UBAP2L: variants seen among roughly 807,000 people sequenced by gnomAD.
UBAP2L encodes ubiquitin associated protein 2 like.
Under a neutral mutation model 130.6 loss-of-function variants are expected in UBAP2L, and 12 were observed. The ratio of observed to expected loss-of-function variants is 0.09; its 90% CI spans 0.06 to 0.15. The LOEUF (loss-of-function observed/expected upper bound fraction) is 0.15, where lower values mean the gene tolerates loss of function less well. UBAP2L is among the 10% of genes least tolerant of loss of function. The pLI, the probability that UBAP2L is intolerant of heterozygous loss-of-function variation, is 1.00. For synonymous variants in UBAP2L, 503 were observed against 524.7 expected (o/e 0.96, Z 0.57); for missense variants, 965 against 1,332.5 (o/e 0.72, Z 4.29).
chr1:154,224,790 A>G (rs552529016), intron 1 of UBAP2L, among the ~76,000 whole-genome samples: 170 of 152,300 alleles, frequency 1.1e-3, no homozygotes, highest in African/African-American at 4.0e-3. Context: ...AAGGCTTTTG[A>G]TTATTAGTTA....
At chr1:154,267,237 ACT>A (rs1683533686) in intron 25 of UBAP2L, among the ~76,000 whole-genome samples, 1 of 146,992 alleles carries the variant, frequency 6.8e-6, no homozygotes, top group African/African-American at 2.5e-5. Flanking sequence ...CTCACTGCAA[ACT>A]CTGCCTCCTG....
chr1:154,228,292 A>G (rs766522615), intron 3 of UBAP2L, among the ~76,000 whole-genome samples: 10 of 151,874 alleles, frequency 6.6e-5, no homozygotes, highest in Non-Finnish European at 1.3e-4. Flanking sequence ...GGTTCAAGCA[A>G]TTCTTCTGCC....
rs114313994 is a variant in UBAP2L, at chr1:154,225,048, C to T, written c.-40-36C>T. ...GAGAGAGTTAAAAACATATTTTGCC[C>T]ACATTTAATACCTAATTTTCTTTTA... On this transcript the variant is annotated intron_variant, in intron 1 of 26. Transcript: ENST00000428931. 2.4e-5 allele frequency: 36 copies of T among 1,487,472 alleles called. 1 individual carries two copies. Among genetic ancestry groups the T allele is most frequent in the Non-Finnish European group, 3.3e-5 (36 of 1,079,490 alleles). The allele number at this position is 1,487,472 out of a possible 1,614,324, so 92.1% of individuals were successfully genotyped here.
chr1:154,223,401 A>G (rs1666944180), intron 1 of UBAP2L, among the ~76,000 whole-genome samples: 1 of 152,220 alleles, frequency 6.6e-6, no homozygotes, highest in African/African-American at 2.4e-5. Flanking sequence ...ACTATGCCAT[A>G]TTAGAAACTT....
chr1:154,271,168 G>A (rs1003614124), downstream of UBAP2L: 6 of 480,436 alleles, frequency 1.2e-5, no homozygotes, highest in African/African-American at 9.7e-5. Context: ...GAGGGATAGA[G>A]GAGATTGGGT....
At chr1:154,268,731 C>CT in intron 25 of UBAP2L, 26 bp from the exon 26 acceptor site, 2 of 1,612,570 alleles carry the variant, frequency 1.2e-6, no homozygotes, top group Non-Finnish European at 8.5e-7. Flanking sequence ...CCCTTTTACT[C>CT]TGTCTCCTCC....
chr1:154,255,610 A>G (rs781390213), intron 17 of UBAP2L, 73 bp from the exon 18 acceptor site: 52 of 1,518,804 alleles, frequency 3.4e-5, no homozygotes, highest in Non-Finnish European at 4.7e-5. Flanking sequence ...TTTCCTTGTT[A>G]TGTTCTTGAC....
intron 12 of UBAP2L, 147 bp downstream of exon 12, chr1:154,249,584 C>A: frequency 2.2e-6 from 2 of 899,724 alleles, no homozygotes; most frequent in Non-Finnish European, 3.3e-6. Flanking sequence ...TTCCCCTAAT[C>A]AAATAAGCTG....
intron 8 of UBAP2L, among the ~76,000 whole-genome samples, chr1:154,240,489 G>A (rs372697044): frequency 1.3e-5 from 2 of 152,250 alleles, no homozygotes; most frequent in East Asian, 3.9e-4. Flanking sequence ...CAGGTTTCAA[G>A]TTCTATATGA....
chr1:154,257,084 G>A lies in UBAP2L; in HGVS notation c.2179G>A (p.Ala727Thr). The A allele has an allele frequency of 6.2e-7, 1 of 1,613,806 alleles. No homozygotes were observed. Among genetic ancestry groups the A allele is most frequent in the Non-Finnish European group, 8.5e-7 (1 of 1,180,016 alleles). ...TLLHTSVESE[A>T]NLHSSSSTFS... ...GAAGCACACAAGTGTGGAGAGTGAG[G>A]CGAATCTCCATTCTTCCTCCAGCAC... The change falls in exon 19 of 27, where the codon GCG becomes ACG. Residue 727 changes from alanine (A) to threonine (T), a missense_variant. This residue lies in a region of UBAP2L where 393 missense variants were observed against 408.1 expected (regional missense o/e 0.96). Transcript: ENST00000428931.
chr1:154,227,906 T>C (rs1336334410), intron 3 of UBAP2L, among the ~76,000 whole-genome samples: 6 of 152,164 alleles, frequency 3.9e-5, no homozygotes, highest in Non-Finnish European at 2.9e-5. Flanking sequence ...TTTAACCTCT[T>C]GCCTGTTGCT....
chr1:154,256,690 C>G (rs1486067808), intron 18 of UBAP2L, among the ~76,000 whole-genome samples: 1 of 152,160 alleles, frequency 6.6e-6, no homozygotes, highest in African/African-American at 2.4e-5. Flanking sequence ...ACAAACTGGT[C>G]TCAACTAGTA....
At chr1:154,223,083 AC>A (rs1260286713) in intron 1 of UBAP2L, among the ~76,000 whole-genome samples, 1 of 151,776 alleles carries the variant, frequency 6.6e-6, no homozygotes. Flanking sequence ...CAGATCACTT[AC>A]TTTTGACCTG....
intron 8 of UBAP2L, among the ~76,000 whole-genome samples, chr1:154,237,874 TG>T (rs1037009503): frequency 6.6e-6 from 1 of 152,206 alleles, no homozygotes; most frequent in South Asian, 2.1e-4. Context: ...AAGATGTGTT[TG>T]GGGGTGGATA....
chr1:154,240,477 G>A (rs1239917812), intron 8 of UBAP2L, among the ~76,000 whole-genome samples: 1 of 152,116 alleles, frequency 6.6e-6, no homozygotes, highest in South Asian at 2.1e-4. Flanking sequence ...ACCATAGCAG[G>A]TCAGGTTTCA....
intron 8 of UBAP2L, among the ~76,000 whole-genome samples, chr1:154,238,315 A>G (rs1157495160): frequency 1.3e-5 from 2 of 152,210 alleles, no homozygotes; most frequent in African/African-American, 4.8e-5. Context: ...AGTTTAACTT[A>G]CTATACTTCG....
intron 3 of UBAP2L, 141 bp downstream of exon 3, chr1:154,227,500 C>A: frequency 1.4e-5 from 9 of 663,938 alleles, no homozygotes; most frequent in East Asian, 9.4e-5. Context: ...TAGGTCAGGC[C>A]AATAAATAAG....
At position 154,259,044 on chromosome 1, in the gene UBAP2L, A is replaced by C; in HGVS notation, c.2496+14A>C. The C allele has an allele frequency of 6.2e-7, 1 of 1,612,244 alleles. No individual in the cohort carries two copies. The highest frequency in any genetic ancestry group is 8.5e-7 in the Non-Finnish European group (1 of 1,178,408). ...AGATTTCCATTGGTGAGTATGTGGG[A>C]TAGAGCTTTGGAAAAGAAAGTAGTC... On this transcript the variant is annotated intron_variant, in intron 21 of 26. Coordinates refer to ENST00000428931, the MANE Select transcript of UBAP2L (RefSeq NM_014847.4).
At chr1:154,265,907 A>G (rs1194596) in intron 24 of UBAP2L, among the ~76,000 whole-genome samples, 84,107 of 151,962 alleles carry the variant, frequency 0.55, 24,029 homozygotes, top group African/African-American at 0.66. Flanking sequence ...TTGATACTAG[A>G]CCTTTACATC....
Sources: gnomAD v4.1 joint callset for allele counts (sites outside exome capture counted in the v4.1 genomes callset) on GRCh38, gnomAD v4.1.1 for gene constraint, gnomAD v4.1.1 regional missense constraint, MANE v1.5 for transcripts, NCBI Gene and HGNC (gene_info 2026-07-23, HGNC 2026-07-21) for gene names.